VSTM2A: variants seen among roughly 807,000 people sequenced by gnomAD.
The protein encoded by VSTM2A is V-set and transmembrane domain containing 2A.
Under a neutral mutation model 27.3 loss-of-function variants are expected in VSTM2A, and 13 were observed. The ratio of observed to expected loss-of-function variants is 0.48; its 90% CI spans 0.31 to 0.76. The LOEUF is 0.76. Ranked by LOEUF, VSTM2A falls within the 30% of genes least tolerant of loss-of-function variation. VSTM2A has a pLI of 0.05. For missense variants in VSTM2A, 280 were observed against 310.0 expected, an observed-to-expected ratio of 0.90 and a Z score of 0.73; for synonymous variants, 142 against 125.7, an observed-to-expected ratio of 1.13 and a Z score of -0.87.
At position 54,544,735 on chromosome 7, in the gene VSTM2A, T is replaced by C; in HGVS notation, c.193T>C (p.Phe65Leu). Residue 65 changes from phenylalanine to leucine, a missense_variant, in exon 2 of 5, where the codon TTC becomes CTC. Physicochemically the swap from Phe to Leu is conservative, Grantham distance 22 (BLOSUM62 0). Transcript: ENST00000402613. ...GGTGTATCTGGAGATCCAATGGTGG[T>C]TCCTGCGGGGGCCGGAGGACCTGGA... Reference protein sequence around the residue: ...ASVYLEIQWWFLRGPEDLDPG... With the variant: ...ASVYLEIQWWLLRGPEDLDPG... 1.2e-6 allele frequency: 2 copies of C among 1,612,350 alleles called. No homozygotes were observed. Among genetic ancestry groups the C allele is most frequent in the Middle Eastern group, 3.3e-4 (2 of 6,052 alleles).
intron 2 of VSTM2A, chr7:54,546,730 A>C (rs1488123564): frequency 7.7e-6 from 4 of 517,530 alleles, no homozygotes; most frequent in Non-Finnish European, 1.3e-5. Context: ...AAGCGCGGGG[A>C]CGGCGTGGGG....
At chr7:54,559,012 A>C (rs1386791256) in intron 4 of VSTM2A, 1 of 152,064 alleles carries the variant, frequency 6.6e-6, no homozygotes, top group African/African-American at 2.4e-5. Flanking sequence ...TTAGGAAAAT[A>C]ATAAATGTCA....
In VSTM2A at chr7:54,542,569, C is replaced by A; in HGVS notation, c.-162C>A. ...AGCTGGTTCTAACCTTCCAGAATCG[C>A]AATCCCTTCTCCCCACAGCCAGCCC... is the stretch of plus-strand genomic sequence containing the variant. On this transcript the variant is annotated 5_prime_UTR_variant, in exon 1 of 5. Transcript: ENST00000402613. 1.6e-6 allele frequency: 1 copy of A among 636,610 alleles called. No homozygotes were observed. Among genetic ancestry groups the A allele is most frequent in the Non-Finnish European group, 2.8e-6 (1 of 359,594 alleles). The allele number at this position is 636,610 out of a possible 1,614,324, so 39.4% of individuals were successfully genotyped here. A position where few individuals can be genotyped will look rare whatever the true frequency, so the allele number is the denominator to read the frequency against.
chr7:54,542,434 G>A lies in VSTM2A; in HGVS notation c.-297G>A, dbSNP rs1787811476. ...GTGATCACGCAAGCCGGAGCGGCGG[G>A]CTGACGTTGGACGAGCTGCCAGGTA... On this transcript the variant is annotated 5_prime_UTR_variant, in exon 1 of 5. Transcript: ENST00000402613. The A allele has an allele frequency of 2.2e-6, 1 of 457,734 alleles. No individual in the cohort carries two copies. Among genetic ancestry groups the A allele is most frequent in the East Asian group, 3.8e-5 (1 of 26,186 alleles). 28.4% of individuals were successfully genotyped at this position (457,734 alleles called of 1,614,324 possible). A position where few individuals can be genotyped will look rare whatever the true frequency, so the allele number is the denominator to read the frequency against.
At chr7:54,566,007 TCTC>T (rs772674675) in intron 4 of VSTM2A, among the ~76,000 whole-genome samples, 7 of 152,204 alleles carry the variant, frequency 4.6e-5, no homozygotes, top group Non-Finnish European at 1.0e-4. Flanking sequence ...TTCTAAGACT[TCTC>T]AGACTCTTCC....
At chr7:54,563,398 A>G (rs1049804280) in intron 4 of VSTM2A, among the ~76,000 whole-genome samples, 2 of 152,174 alleles carry the variant, frequency 1.3e-5, no homozygotes, top group Non-Finnish European at 2.9e-5. Flanking sequence ...AAGAAATCGT[A>G]AGTGTTCAAA....
chr7:54,569,394 T>A lies in VSTM2A; in HGVS notation c.*175T>A. On this transcript the variant is annotated 3_prime_UTR_variant, in exon 5 of 5. Transcript: ENST00000402613. ...ATTTTTTCCCTTTTCTTTCGGCGAC[T>A]AAAATCATCTCACTGACTGCTCAAG... The A allele has an allele frequency of 1.8e-6, 2 of 1,140,942 alleles. No homozygotes were observed. Among genetic ancestry groups the A allele is most frequent in the Non-Finnish European group, 2.4e-6 (2 of 831,280 alleles). The allele number at this position is 1,140,942 out of a possible 1,614,324, so 70.7% of individuals were successfully genotyped here. A position where few individuals can be genotyped will look rare whatever the true frequency, so the allele number is the denominator to read the frequency against.
In VSTM2A at chr7:54,570,621, T is replaced by C. The variant is rs562567303; in HGVS notation, c.*1402T>C. 6.6e-6 allele frequency: 1 copy of C among 152,336 alleles called. No individual in the cohort carries two copies. Among genetic ancestry groups the C allele is most frequent in the East Asian group, 1.9e-4 (1 of 5,192 alleles). The allele number at this position is 152,336 out of a possible 1,614,324, so 9.4% of individuals were successfully genotyped here. A position where few individuals can be genotyped will look rare whatever the true frequency, so the allele number is the denominator to read the frequency against. ...AATTATAATTTTAAATATTCCATTC[T>C]TATTTATGTCTTTATGATAATTCAG... On this transcript the variant is annotated 3_prime_UTR_variant, in exon 5 of 5. Coordinates refer to ENST00000402613, the MANE Select transcript of VSTM2A (RefSeq NM_001301009.2).
intron 1 of VSTM2A, among the ~76,000 whole-genome samples, chr7:54,544,259 T>C (rs1486353346): frequency 6.6e-6 from 1 of 152,218 alleles, no homozygotes; most frequent in Non-Finnish European, 1.5e-5. Flanking sequence ...TCCTCATTTA[T>C]CAACTTGACA....
At chr7:54,543,288 C>A (rs896997678) in intron 1 of VSTM2A, among the ~76,000 whole-genome samples, 5 of 152,026 alleles carry the variant, frequency 3.3e-5, no homozygotes, top group Non-Finnish European at 7.4e-5. Flanking sequence ...CTCTGAGGAC[C>A]CATAAAAAGC....
In VSTM2A at chr7:54,569,504, GCAAA is replaced by G; in HGVS notation, c.*288_*291del. 2.4e-6 allele frequency: 1 copy of G among 416,688 alleles called. No individual in the cohort carries two copies. The highest frequency in any genetic ancestry group is 4.3e-6 in the Non-Finnish European group (1 of 233,174). 25.8% of individuals were successfully genotyped at this position (416,688 alleles called of 1,614,324 possible). On this transcript the variant is annotated 3_prime_UTR_variant, in exon 5 of 5. Transcript: ENST00000402613. Reference sequence around the variant, plus strand: ...CTAAAGGACCCAGCATCTTCAGGAAGCAAACAGAGATCAAAAGGCTACAGAACAG... The same window carrying G: ...CTAAAGGACCCAGCATCTTCAGGAAGCAGAGATCAAAAGGCTACAGAACAG...
intron 4 of VSTM2A, among the ~76,000 whole-genome samples, chr7:54,568,630 T>C (rs1221448943): frequency 6.6e-6 from 1 of 151,868 alleles, no homozygotes; most frequent in Admixed American, 6.6e-5. Context: ...GGTTGTGTCA[T>C]ATCCCCTGTG....
chr7:54,548,939 C>G (rs977563909), intron 3 of VSTM2A, among the ~76,000 whole-genome samples: 2 of 151,118 alleles, frequency 1.3e-5, no homozygotes, highest in Non-Finnish European at 2.9e-5. Context: ...TCTTATGAAC[C>G]CTATCATTGT....
chr7:54,550,067 C>A lies in VSTM2A; in HGVS notation c.531C>A (p.Ser177=). ...ATATGAAGCCCCGCAAGAACGTCTC[C>A]GCAGCCATCCCCAGCAGCATCCATG... ...LQDMKPRKNV[S]AAIPSSIHGS... is the part of the protein sequence containing the mutation. Residue 177 remains serine, a synonymous_variant, in exon 4 of 5, where the codon TCC becomes TCA. Transcript: ENST00000402613. 1 of 1,608,872 alleles carries A rather than the reference C, an allele frequency of 6.2e-7. No homozygotes were observed. Among genetic ancestry groups the A allele is most frequent in the East Asian group, 2.2e-5 (1 of 44,620 alleles).
At chr7:54,546,553 C>CGCCCCCCCCCGCCT (rs1554330484) in intron 2 of VSTM2A, 1 of 143,394 alleles carries the variant, frequency 7.0e-6, no homozygotes, top group Non-Finnish European at 1.4e-5. Flanking sequence ...TCACCCCTGG[C>CGCCCCCCCCCGCCT]GCCCCCCCGC....
chr7:54,570,261 TATTATC>T lies in VSTM2A; in HGVS notation c.*1048_*1053del, dbSNP rs1322534612. 3.9e-5 allele frequency: 6 copies of T among 152,216 alleles called. No individual in the cohort carries two copies. The highest frequency in any genetic ancestry group is 1.4e-4 in the African/African-American group (6 of 41,466). 9.4% of individuals were successfully genotyped at this position (152,216 alleles called of 1,614,324 possible). A position where few individuals can be genotyped will look rare whatever the true frequency, so the allele number is the denominator to read the frequency against. ...CTGGTTTTGACAGCTATTTCTGTAT[TATTATC>T]ATTATAATCTTGTCAAATAGAAATG... On this transcript the variant is annotated 3_prime_UTR_variant, in exon 5 of 5. Transcript: ENST00000402613.
intron 3 of VSTM2A, among the ~76,000 whole-genome samples, chr7:54,549,345 T>TC (rs1215175458): frequency 6.6e-6 from 1 of 152,228 alleles, no homozygotes; most frequent in African/African-American, 2.4e-5. Context: ...CCTTTAGTAG[T>TC]CATCCCAGTG....
At chr7:54,566,520 C>T (rs532726750) in intron 4 of VSTM2A, among the ~76,000 whole-genome samples, 1 of 152,244 alleles carries the variant, frequency 6.6e-6, no homozygotes, top group South Asian at 2.1e-4. Context: ...CTATTAGGAA[C>T]AGATAAATGG....
In VSTM2A at chr7:54,542,892, G is replaced by A. The variant is rs931933731; in HGVS notation, c.79+83G>A. 14 of 1,307,612 alleles carry A rather than the reference G, an allele frequency of 1.1e-5. No homozygotes were observed. The Admixed American group carries it at 2.6e-4, about 24-fold the overall frequency. The allele number at this position is 1,307,612 out of a possible 1,614,324, so 81.0% of individuals were successfully genotyped here. A position where few individuals can be genotyped will look rare whatever the true frequency, so the allele number is the denominator to read the frequency against. ...CTCAAAAAGAATGGACAGGCAGATA[G>A]AATAAGCTTCCTAGCAAGTAACAGT... On this transcript the variant is annotated intron_variant, in intron 1 of 4. Transcript: ENST00000402613.
Sources: gnomAD v4.1 joint callset for allele counts (sites outside exome capture counted in the v4.1 genomes callset) on GRCh38, gnomAD v4.1.1 for gene constraint, MANE v1.5 for transcripts, NCBI Gene and HGNC (gene_info 2026-07-23, HGNC 2026-07-21) for gene names.